Variants in MYT1L observed in about 807,000 individuals in gnomAD.
MYT1L encodes the protein myelin transcription factor 1 like.
MYT1L carries 12 observed loss-of-function variants against 126.7 expected under a neutral mutation model. That is an observed-to-expected ratio of 0.09 (90% CI 0.06 to 0.15). The LOEUF (loss-of-function observed/expected upper bound fraction) is 0.15, where lower values mean the gene tolerates loss of function less well. Ranked by LOEUF, MYT1L falls within the 10% of genes least tolerant of loss-of-function variation. The probability of loss-of-function intolerance (pLI) is 1.00; values close to 1 mark genes in which losing one functional copy is unlikely to be tolerated. For missense variants in MYT1L, 979 were observed against 1,585.2 expected, an observed-to-expected ratio of 0.62 and a Z score of 6.49; for synonymous variants, 541 against 604.2, an observed-to-expected ratio of 0.90 and a Z score of 1.53.
rs2094078189 is a variant in MYT1L at position 2,228,565 on chromosome 2, TTATA to T, written c.-420-55581_-420-55578del. On this transcript the variant is annotated intron_variant, in intron 2 of 24. Coordinates refer to ENST00000647738, the MANE Select transcript of MYT1L (RefSeq NM_001303052.2). This position sits in a 1 kb window ranked among gnomAD's most constrained non-coding sequence, Gnocchi z 5.9. ...CTTTTTGATTTTATAGAAAAAGTAT[TTATA>T]TAAATTCTTGAGTTGAAAGATTAAA... Among the ~76,000 whole-genome samples, 1 of 152,190 alleles carries T rather than the reference TTATA, an allele frequency of 6.6e-6. No homozygotes were observed. Among genetic ancestry groups the T allele is most frequent in the Non-Finnish European group, 1.5e-5 (1 of 68,024 alleles).
At chr2:1,993,178 TTCTC>T (rs1315313430) in intron 5 of MYT1L, among the ~76,000 whole-genome samples, 1 of 152,206 alleles carries the variant, frequency 6.6e-6, no homozygotes, top group Non-Finnish European at 1.5e-5. Context: ...GAATTACTCT[TTCTC>T]TATTGCAATT....
chr2:2,217,093 C>T (rs369692606), intron 2 of MYT1L, among the ~76,000 whole-genome samples: 3 of 152,078 alleles, frequency 2.0e-5, no homozygotes, highest in Non-Finnish European at 4.4e-5. Flanking sequence ...TTGCATCAAA[C>T]ATTCAATAAA....
chr2:1,906,770 G>A (rs2051112164), intron 13 of MYT1L, among the ~76,000 whole-genome samples: 1 of 151,846 alleles, frequency 6.6e-6, no homozygotes, highest in Admixed American at 6.6e-5. Context: ...AAACCTGTAG[G>A]CCTTGCTTTA....
chr2:1,857,176 A>G (rs1166434746), intron 18 of MYT1L, among the ~76,000 whole-genome samples: 2 of 152,240 alleles, frequency 1.3e-5, no homozygotes, highest in African/African-American at 2.4e-5. Flanking sequence ...TTACAGGAGC[A>G]TGACTGCGGG....
At chr2:2,317,424 C>T (rs867464242) in intron 1 of MYT1L, among the ~76,000 whole-genome samples, 1 of 151,994 alleles carries the variant, frequency 6.6e-6, no homozygotes, top group African/African-American at 2.4e-5. Flanking sequence ...GACTCCCTCA[C>T]TTTAAACAAG....
At chr2:1,961,896 G>A (rs1271616800) in intron 8 of MYT1L, among the ~76,000 whole-genome samples, 1 of 152,236 alleles carries the variant, frequency 6.6e-6, no homozygotes, top group East Asian at 1.9e-4. Flanking sequence ...AGATAGGTCA[G>A]TAGGGTGACT....
intron 9 of MYT1L, among the ~76,000 whole-genome samples, chr2:1,933,406 G>A (rs759493212): frequency 1.3e-5 from 2 of 152,186 alleles, no homozygotes; most frequent in Non-Finnish European, 2.9e-5. Flanking sequence ...AGAAAAAAAC[G>A]CAGAGGGGTG....
At chr2:2,134,615 T>G (rs1226482192) in intron 3 of MYT1L, among the ~76,000 whole-genome samples, 1 of 152,030 alleles carries the variant, frequency 6.6e-6, no homozygotes, top group Non-Finnish European at 1.5e-5. Flanking sequence ...ACCAGAGCTC[T>G]CTCTCTACCA....
chr2:2,021,552 T>C (rs2065029608), intron 4 of MYT1L, among the ~76,000 whole-genome samples: 1 of 152,180 alleles, frequency 6.6e-6, no homozygotes, highest in South Asian at 2.1e-4. Flanking sequence ...CCTTCTGATC[T>C]TAAGAAACTT....
chr2:1,922,746 G>C lies in MYT1L; in HGVS notation c.1023C>G (p.Leu341=). The change falls in exon 10 of 25, where the codon CTC becomes CTG. Residue 341 remains leucine (L), a synonymous_variant. Coordinates refer to ENST00000647738, the MANE Select transcript of MYT1L (RefSeq NM_001303052.2). The surrounding 1 kb of genome is among the most constrained non-coding windows in gnomAD (Gnocchi z 7.4). The stretch of plus-strand genomic sequence containing the variant: ...TCCTCTCCTGCGGGTTGGTCTCACT[G>C]AGCTTCCTGGCCAGGTCGAAGCACT... The part of the protein sequence containing the change: ...RNQCFDLARK[L]SETNPQERNP... 1 of 1,613,934 alleles carries C rather than the reference G, an allele frequency of 6.2e-7. No homozygotes were observed. The highest frequency in any genetic ancestry group is 8.5e-7 in the Non-Finnish European group (1 of 1,179,898).
Position 2,124,492 on chromosome 2 carries a change from C to T in MYT1L, c.-304+48380G>A, listed in dbSNP as rs190802698. ...GGTATTTTTAGTAGAGATGGGGTTT[C>T]ACCATGTTGCCCAGGCTGGTCTCGA... On this transcript the variant is annotated intron_variant, in intron 3 of 24. Coordinates refer to ENST00000647738, the MANE Select transcript of MYT1L (RefSeq NM_001303052.2). Among the ~76,000 whole-genome samples, 188 of 152,224 alleles carry T rather than the reference C, an allele frequency of 1.2e-3. 1 individual carries two copies. The highest frequency in any genetic ancestry group is 3.7e-3 in the African/African-American group (152 of 41,542).
intron 3 of MYT1L, among the ~76,000 whole-genome samples, chr2:2,093,868 T>C (rs1432418664): frequency 6.6e-6 from 1 of 152,230 alleles, no homozygotes; most frequent in Admixed American, 6.5e-5. Context: ...AATTTTTGTA[T>C]AAGGTGTAAG....
chr2:2,217,716 AAAAG>A lies in MYT1L; in HGVS notation c.-420-44732_-420-44729del, dbSNP rs1345795434. 3.0e-4 allele frequency among the ~76,000 whole-genome samples: 43 copies of A among 144,658 alleles called. 1 individual carries two copies. Among genetic ancestry groups the A allele is most frequent in the Admixed American group, 2.0e-3 (30 of 14,724 alleles). The allele number at this position is 144,658 out of a possible 152,430, so 94.9% of individuals were successfully genotyped here. ...CAACAACAACAACAACAAAAAAAAAAAAAGAAAGAAGGAAAAAGAAAAGAAAGAA... is the reference window on the plus strand; with the variant it reads ...CAACAACAACAACAACAAAAAAAAAAAAAGAAGGAAAAAGAAAAGAAAGAA... On this transcript the variant is annotated intron_variant, in intron 2 of 24. Transcript: ENST00000647738.
At chr2:2,288,001 C>CT (rs1303959493) in intron 1 of MYT1L, among the ~76,000 whole-genome samples, 1 of 152,182 alleles carries the variant, frequency 6.6e-6, no homozygotes, top group Non-Finnish European at 1.5e-5. Flanking sequence ...TACTCACCCC[C>CT]TTTTTTGGCT....
At position 2,195,909 on chromosome 2, in the gene MYT1L, C is replaced by T. The variant is rs142898905; in HGVS notation, c.-420-22921G>A. On this transcript the variant is annotated intron_variant, in intron 2 of 24. Transcript: ENST00000647738. ...AAAAGAATATAAGATATATATAAGACACAGTATAAAACCCTATCACATGCA... is the reference window on the plus strand; with the variant it reads ...AAAAGAATATAAGATATATATAAGATACAGTATAAAACCCTATCACATGCA... 2.9e-4 allele frequency among the ~76,000 whole-genome samples: 44 copies of T among 151,966 alleles called. 1 individual carries two copies. In the East Asian group the frequency reaches 6.6e-3, roughly 23 times the overall value.
At chr2:2,166,532 C>T (rs1024738462) in intron 3 of MYT1L, among the ~76,000 whole-genome samples, 1 of 152,166 alleles carries the variant, frequency 6.6e-6, no homozygotes, top group Non-Finnish European at 1.5e-5. Flanking sequence ...CGACCTTGGT[C>T]AAGTCATTTA....
At chr2:2,261,715 G>A (rs193067761) in intron 2 of MYT1L, among the ~76,000 whole-genome samples, 1 of 152,020 alleles carries the variant, frequency 6.6e-6, no homozygotes. Context: ...GAGATCTTCA[G>A]ACCATTAAAA....
At chr2:1,991,007 C>T (rs765871988) in intron 5 of MYT1L, among the ~76,000 whole-genome samples, 3 of 152,206 alleles carry the variant, frequency 2.0e-5, no homozygotes, top group Non-Finnish European at 2.9e-5. Context: ...GGAGACTGCT[C>T]TCCCTTGCAA....
intron 3 of MYT1L, among the ~76,000 whole-genome samples, chr2:2,147,712 G>A (rs187890911): frequency 1.6e-3 from 242 of 152,300 alleles, no homozygotes; most frequent in African/African-American, 5.3e-3. Context: ...ACCTGCTCAC[G>A]AGAGCTGAAA....
Sources: gnomAD v4.1 joint callset for allele counts (sites outside exome capture counted in the v4.1 genomes callset) on GRCh38, gnomAD v4.1.1 for gene constraint, Gnocchi (gnomAD v3.1) non-coding constraint, MANE v1.5 for transcripts, NCBI Gene and HGNC (gene_info 2026-07-23, HGNC 2026-07-21) for gene names.